MRPL22: variants seen among roughly 807,000 people sequenced by gnomAD.
MRPL22 encodes large ribosomal subunit protein uL22m.
A neutral mutation model predicts 32.4 loss-of-function variants in MRPL22; 27 were observed. The observed-to-expected ratio is 0.83, with a 90% confidence interval of 0.61 to 1.15. The LOEUF (loss-of-function observed/expected upper bound fraction) is 1.15. Ranked by LOEUF, MRPL22 falls within the 50% of genes most tolerant of loss-of-function variation. The pLI is 0.00. For synonymous variants in MRPL22, 86 were observed against 87.3 expected (o/e 0.99, Z 0.08); for missense variants, 239 against 260.2 (o/e 0.92, Z 0.56).
intron 2 of MRPL22, among the ~76,000 whole-genome samples, chr5:154,947,429 G>T (rs1294904056): frequency 2.0e-5 from 3 of 152,142 alleles, no homozygotes; most frequent in Non-Finnish European, 4.4e-5. Flanking sequence ...GTATTTTGAT[G>T]GCACTAATCT....
intron 2 of MRPL22, among the ~76,000 whole-genome samples, chr5:154,945,849 T>A (rs1195169728): frequency 6.6e-6 from 1 of 152,234 alleles, no homozygotes; most frequent in Non-Finnish European, 1.5e-5. Context: ...TTCATTTTGT[T>A]TTAATTGAGT....
rs552017317 is a variant in MRPL22, at chr5:154,941,127, T to A, written c.17T>A (p.Leu6Gln). Residue 6 changes from leucine (L) to glutamine (Q), a missense_variant, in exon 1 of 7, where the codon CTG becomes CAG. Transcript: ENST00000523037. Reference protein sequence around the residue: MAAAVLGQLGALWIHN... With the variant: MAAAVQGQLGALWIHN... ...GGGCGAAAGATGGCGGCGGCAGTACTGGGACAGTTGGGTAAGGATTTCTTA... is the reference window on the plus strand; with the variant it reads ...GGGCGAAAGATGGCGGCGGCAGTACAGGGACAGTTGGGTAAGGATTTCTTA... The A allele has an allele frequency of 3.6e-5, 58 of 1,613,986 alleles. No homozygotes were observed. In the South Asian group the frequency reaches 6.0e-4, roughly 17 times the overall value.
In MRPL22 at chr5:154,966,979, T is replaced by C. The variant is rs1195926065; in HGVS notation, c.*82T>C. ...ACAAAAATTGAAGGCAAATGCTTTTTATGATTTCTCATTGAATTATTGAAA... is the reference window on the plus strand; with the variant it reads ...ACAAAAATTGAAGGCAAATGCTTTTCATGATTTCTCATTGAATTATTGAAA... On this transcript the variant is annotated 3_prime_UTR_variant, in exon 7 of 7. Transcript: ENST00000523037. The C allele has an allele frequency of 7.4e-7, 1 of 1,349,204 alleles. No individual in the cohort carries two copies. Among genetic ancestry groups the C allele is most frequent in the Non-Finnish European group, 1.0e-6 (1 of 993,374 alleles). The allele number at this position is 1,349,204 out of a possible 1,614,324, so 83.6% of individuals were successfully genotyped here.
chr5:154,965,420 A>G (rs1306932333), intron 6 of MRPL22, among the ~76,000 whole-genome samples: 1 of 151,054 alleles, frequency 6.6e-6, no homozygotes, highest in Non-Finnish European at 1.5e-5. Context: ...AGTTCTTCTT[A>G]TGTACTATTT....
intron 3 of MRPL22, among the ~76,000 whole-genome samples, chr5:154,951,947 A>G (rs961313905): frequency 3.4e-5 from 5 of 148,290 alleles, no homozygotes; most frequent in African/African-American, 7.6e-5. Context: ...CAGTGGTGCA[A>G]TCTTGGCTTA....
rs76168675 is a variant in MRPL22, at chr5:154,948,777, A to G, written c.78-2044A>G. On this transcript the variant is annotated intron_variant, in intron 2 of 6. Transcript: ENST00000523037. ...TTGGAAACTTAATGGTACAGTTTGTATAGGAAAGACAGGATAAGTCTTGTC... is the reference window on the plus strand; with the variant it reads ...TTGGAAACTTAATGGTACAGTTTGTGTAGGAAAGACAGGATAAGTCTTGTC... Among the ~76,000 whole-genome samples the G allele has an allele frequency of 8.1e-4, 124 of 152,358 alleles. 2 individuals carry two copies. In the East Asian group the frequency reaches 0.022, roughly 27 times the overall value.
At chr5:154,957,807 C>T (rs1764648994) in intron 5 of MRPL22, among the ~76,000 whole-genome samples, 1 of 151,882 alleles carries the variant, frequency 6.6e-6, no homozygotes, top group African/African-American at 2.4e-5. Flanking sequence ...CCTAAAGATC[C>T]TTCCAACTCT....
intron 2 of MRPL22, among the ~76,000 whole-genome samples, chr5:154,943,468 G>A (rs1363025797): frequency 6.6e-6 from 1 of 151,998 alleles, no homozygotes; most frequent in Non-Finnish European, 1.5e-5. Flanking sequence ...AAATGAGAGT[G>A]GGAGGGCCTG....
At chr5:154,954,176 G>C (rs1764602151) in intron 3 of MRPL22, among the ~76,000 whole-genome samples, 1 of 151,768 alleles carries the variant, frequency 6.6e-6, no homozygotes, top group Admixed American at 6.6e-5. Flanking sequence ...TTTTAGTAGA[G>C]ACGAGTTTTT....
chr5:154,961,042 G>A (rs164199), intron 6 of MRPL22, among the ~76,000 whole-genome samples: 5,867 of 151,942 alleles, frequency 0.039, 170 homozygotes, highest in African/African-American at 0.084. Context: ...AACAATTAGA[G>A]TAAAAAAAAA....
chr5:154,952,962 G>A (rs1430972137), intron 3 of MRPL22, among the ~76,000 whole-genome samples: 1 of 152,124 alleles, frequency 6.6e-6, no homozygotes, highest in Non-Finnish European at 1.5e-5. Flanking sequence ...GTTGTTCTAG[G>A]CTACTCCTCA....
At position 154,963,855 on chromosome 5, in the gene MRPL22, G is replaced by A. The variant is rs558216329; in HGVS notation, c.410-2831G>A. On this transcript the variant is annotated intron_variant, in intron 6 of 6. Transcript: ENST00000523037. ...TTTCTAGAAAAAATTGGCATGTGAA[G>A]ATAGGCTTTTGGGAGTCTGGAGGAA... Among the ~76,000 whole-genome samples the A allele has an allele frequency of 9.2e-5, 14 of 152,190 alleles. 1 individual carries two copies. Among genetic ancestry groups the A allele is most frequent in the Non-Finnish European group, 2.1e-4 (14 of 68,042 alleles).
At chr5:154,960,940 T>C (rs1764695353) in intron 6 of MRPL22, among the ~76,000 whole-genome samples, 1 of 152,334 alleles carries the variant, frequency 6.6e-6, no homozygotes, top group East Asian at 1.9e-4. Context: ...AAAGCTATTT[T>C]AAATTCAAGA....
At chr5:154,959,913 A>C (rs963953667) in intron 5 of MRPL22, 67 bp from the exon 6 acceptor site, 126 of 1,087,860 alleles carry the variant, frequency 1.2e-4, no homozygotes, top group Non-Finnish European at 1.6e-4. Flanking sequence ...ATAATGAGAG[A>C]TGAGAAACTT....
chr5:154,956,747 G>A (rs1764635535), intron 4 of MRPL22: 1 of 341,126 alleles, frequency 2.9e-6, no homozygotes, highest in Admixed American at 4.6e-5. Flanking sequence ...TAAAACTGTT[G>A]CTTTTAAGTT....
chr5:154,966,754 A>G lies in MRPL22; in HGVS notation c.478A>G (p.Ile160Val), dbSNP rs1296306970. Residue 160 changes from isoleucine (I) to valine (V), a missense_variant, in exon 7 of 7, where the codon ATC becomes GTC. Physicochemically the swap from Ile to Val is conservative, Grantham distance 29 (BLOSUM62 3). Transcript: ENST00000523037. ...IRYHGRGRFG[I>V]MEKVYCHYFV... ...CTACCATGGCAGAGGTCGCTTTGGG[A>G]TCATGGAGAAGGTTTATTGCCATTA... is the stretch of plus-strand genomic sequence containing the variant. 6.2e-7 allele frequency: 1 copy of G among 1,614,178 alleles called. No individual in the cohort carries two copies. The highest frequency in any genetic ancestry group is 8.5e-7 in the Non-Finnish European group (1 of 1,180,036).
intron 2 of MRPL22, among the ~76,000 whole-genome samples, chr5:154,943,304 T>A (rs114486870): frequency 1.1e-4 from 16 of 152,002 alleles, no homozygotes; most frequent in African/African-American, 3.9e-4. Flanking sequence ...ATTTTTAGGG[T>A]CTTGCTGTGT....
At chr5:154,946,623 G>A (rs1416315845) in intron 2 of MRPL22, among the ~76,000 whole-genome samples, 2 of 152,012 alleles carry the variant, frequency 1.3e-5, no homozygotes, top group Non-Finnish European at 2.9e-5. Context: ...AGACCAGCCT[G>A]GCCAACATGG....
At chr5:154,945,837 G>A (rs1764482454) in intron 2 of MRPL22, among the ~76,000 whole-genome samples, 1 of 152,182 alleles carries the variant, frequency 6.6e-6, no homozygotes, top group Admixed American at 6.5e-5. Context: ...TTTTAAGGTT[G>A]CTTCATTTTG....
Sources: gnomAD v4.1 joint callset for allele counts (sites outside exome capture counted in the v4.1 genomes callset) on GRCh38, gnomAD v4.1.1 for gene constraint, MANE v1.5 for transcripts, NCBI Gene and HGNC (gene_info 2026-07-23, HGNC 2026-07-21) for gene names.